Variants in HNMT observed in about 807,000 individuals in gnomAD.
HNMT encodes the protein histamine N-methyltransferase.
HNMT carries 30 observed loss-of-function variants against 32.1 expected under a neutral mutation model. The observed-to-expected ratio is 0.93, with a 90% CI of 0.70 to 1.27. HNMT has a LOEUF of 1.27. HNMT is among the 50% of genes most tolerant of loss of function. HNMT has a pLI of 0.00. For missense variants in HNMT, 327 were observed against 346.0 expected (o/e 0.95, Z 0.43); for synonymous variants, 125 against 119.0 (o/e 1.05, Z -0.33).
chr2:137,970,827 G>A (rs534912101), intron 2 of HNMT, among the ~76,000 whole-genome samples: 2 of 151,192 alleles, frequency 1.3e-5, no homozygotes, highest in African/African-American at 4.9e-5. Context: ...GGCTGAGGCA[G>A]GAGAATGGCG....
At chr2:137,971,734 C>G (rs568362639) in intron 2 of HNMT, among the ~76,000 whole-genome samples, 4 of 152,088 alleles carry the variant, frequency 2.6e-5, no homozygotes, top group Non-Finnish European at 1.5e-5. Flanking sequence ...GAAGGCTATT[C>G]CCTTCTGCAA....
At position 137,979,364 on chromosome 2, in the gene HNMT, G is replaced by A. The variant is rs560964423; in HGVS notation, c.190+9147G>A. On this transcript the variant is annotated intron_variant, in intron 2 of 5. Coordinates refer to ENST00000280097, the MANE Select transcript of HNMT (RefSeq NM_006895.3). The stretch of plus-strand genomic sequence containing the variant: ...CGGCTCACTGCAAGCTCCGCCTCCC[G>A]GGTTCACGCCATTCTCCTGCCTCAG... 3.3e-3 allele frequency among the ~76,000 whole-genome samples: 494 copies of A among 151,184 alleles called. 1 individual carries two copies. The highest frequency in any genetic ancestry group is 8.6e-3 in the East Asian group (44 of 5,116).
In HNMT at chr2:137,964,745, T is replaced by C. The variant is rs554677097; in HGVS notation, c.137+117T>C. ...CACAGGGATAAGGGCGAATTACTGA[T>C]AGCAGCTCCCCGTCGTCCCCTCCTC... On this transcript the variant is annotated intron_variant, in intron 1 of 5. Transcript: ENST00000280097. 30 of 976,300 alleles carry C rather than the reference T, an allele frequency of 3.1e-5. No individual in the cohort carries two copies. In the East Asian group the frequency reaches 7.3e-4, roughly 24 times the overall value. 60.5% of individuals were successfully genotyped at this position (976,300 alleles called of 1,614,324 possible).
At chr2:137,976,965 G>A (rs1680306134) in intron 2 of HNMT, among the ~76,000 whole-genome samples, 1 of 152,126 alleles carries the variant, frequency 6.6e-6, no homozygotes, top group Admixed American at 6.5e-5. Flanking sequence ...AAACAAGATT[G>A]TTTTGGCTAA....
In HNMT at chr2:138,002,046, C is replaced by T; in HGVS notation, c.299-18C>T. ...GCAATTAAAATTGATGGTGTGTCAC[C>T]TCTTCTCTGTATTTTAGAGCTTGTA... On this transcript the variant is annotated intron_variant, in intron 3 of 5. Coordinates refer to ENST00000280097, the MANE Select transcript of HNMT (RefSeq NM_006895.3). 10 of 1,509,852 alleles carry T rather than the reference C, an allele frequency of 6.6e-6. No individual in the cohort carries two copies. The highest frequency in any genetic ancestry group is 2.8e-5 in the South Asian group (2 of 70,450). The allele number at this position is 1,509,852 out of a possible 1,614,324, so 93.5% of individuals were successfully genotyped here.
chr2:138,000,346 A>G (rs1344968596), intron 2 of HNMT, among the ~76,000 whole-genome samples: 1 of 151,946 alleles, frequency 6.6e-6, no homozygotes, highest in Non-Finnish European at 1.5e-5. Context: ...CCTTGATTCA[A>G]CTGAGCCAGG....
At chr2:138,013,676 T>C (rs1681577685) in intron 5 of HNMT, 99 bp from the exon 6 acceptor site, 3 of 823,254 alleles carry the variant, frequency 3.6e-6, no homozygotes, top group Non-Finnish European at 5.7e-6. Flanking sequence ...AAGGACAAGA[T>C]TATTATTTTG....
At chr2:138,003,034 T>TGA (rs1179795726) in intron 4 of HNMT, among the ~76,000 whole-genome samples, 1 of 131,786 alleles carries the variant, frequency 7.6e-6, no homozygotes, top group African/African-American at 2.9e-5. Flanking sequence ...AATTGAACAA[T>TGA]GAGAACACAT....
At chr2:137,973,251 A>G (rs947424901) in intron 2 of HNMT, among the ~76,000 whole-genome samples, 33 of 152,226 alleles carry the variant, frequency 2.2e-4, no homozygotes, top group African/African-American at 7.7e-4. Flanking sequence ...GGGAAAGGAC[A>G]CTCTACTTCA....
intron 2 of HNMT, among the ~76,000 whole-genome samples, chr2:137,990,282 T>C (rs1680779519): frequency 6.6e-6 from 1 of 152,202 alleles, no homozygotes; most frequent in African/African-American, 2.4e-5. Context: ...GGTCCTTGTC[T>C]AGATTCATTT....
chr2:137,980,317 G>T (rs566901803), intron 2 of HNMT, among the ~76,000 whole-genome samples: 1 of 152,152 alleles, frequency 6.6e-6, no homozygotes, highest in Non-Finnish European at 1.5e-5. Context: ...GATTACAGGC[G>T]TGAGCCACCA....
intron 1 of HNMT, chr2:137,966,961 G>C: frequency 1.5e-6 from 1 of 671,000 alleles, no homozygotes; most frequent in Non-Finnish European, 2.7e-6. Context: ...AAGAGTGAAC[G>C]AGAGGTAAAC....
rs1404892581 is a variant in HNMT at position 137,970,201 on chromosome 2, C to T, written c.174C>T (p.Ser58=). ...GDTKSEIKIL[S]IGGGAGEIDL... ...CAAAATCAGAAATTAAGATTCTAAG[C>T]ATAGGCGGAGGTGCAGGTATGAGTA... is the stretch of plus-strand genomic sequence containing the variant. Residue 58 remains serine (S), a synonymous_variant, in exon 2 of 6, where the codon AGC becomes AGT. Transcript: ENST00000280097. 9 of 1,574,606 alleles carry T rather than the reference C, an allele frequency of 5.7e-6. No homozygotes were observed. The highest frequency in any genetic ancestry group is 7.8e-6 in the Non-Finnish European group (9 of 1,150,416).
At chr2:137,966,998 T>A in intron 1 of HNMT, 1 of 742,346 alleles carries the variant, frequency 1.3e-6, no homozygotes, top group Non-Finnish European at 2.5e-6. Context: ...TGTTTAAAAA[T>A]CCCTTGGTTC....
chr2:137,964,616 G>A lies in HNMT; in HGVS notation c.125G>A (p.Gly42Asp), dbSNP rs943981752. 20 of 1,613,664 alleles carry A rather than the reference G, an allele frequency of 1.2e-5. No homozygotes were observed. The highest frequency in any genetic ancestry group is 1.0e-4 in the Admixed American group (6 of 59,986). Reference protein sequence around the residue: ...MQEFMDKKLPGIIGRIGDTKS... With the variant: ...MQEFMDKKLPDIIGRIGDTKS... ...GAATTCATGGACAAGAAGCTGCCAG[G>A]CATAATAGGAAGGTAACAAAAGGGA... The change falls in exon 1 of 6, where the codon GGC becomes GAC. Residue 42 changes from glycine (G) to aspartate (D), a missense_variant. By Grantham distance (94) the Gly-to-Asp change is moderately conservative. Coordinates refer to ENST00000280097, the MANE Select transcript of HNMT (RefSeq NM_006895.3).
At chr2:138,009,356 A>G (rs994880571) in intron 5 of HNMT, among the ~76,000 whole-genome samples, 9 of 152,064 alleles carry the variant, frequency 5.9e-5, no homozygotes, top group African/African-American at 1.9e-4. Context: ...TTAGAGAGCT[A>G]AAAGCAGAAC....
intron 1 of HNMT, among the ~76,000 whole-genome samples, chr2:137,965,268 A>T (rs981418806): frequency 3.9e-5 from 6 of 152,030 alleles, no homozygotes; most frequent in African/African-American, 1.2e-4. Flanking sequence ...TAATGTGTTC[A>T]ATTTGTGCCA....
At chr2:137,967,223 C>A in intron 1 of HNMT, 1 of 691,928 alleles carries the variant, frequency 1.4e-6, no homozygotes, top group African/African-American at 1.8e-5. Context: ...CCAGCCTGGG[C>A]AACATAGCAA....
chr2:137,964,564 C>T lies in HNMT; in HGVS notation c.73C>T (p.His25Tyr). The T allele has an allele frequency of 6.2e-7, 1 of 1,613,666 alleles. No homozygotes were observed. Among genetic ancestry groups the T allele is most frequent in the Non-Finnish European group, 8.5e-7 (1 of 1,179,670 alleles). The change falls in exon 1 of 6, where the codon CAT (histidine) becomes TAT (tyrosine). Residue 25 changes from histidine to tyrosine, a missense_variant. Physicochemically the swap from His to Tyr is moderately conservative, Grantham distance 83. Transcript: ENST00000280097. ...TGAATCTTTCCGGAGGTTTCTCAAC[C>T]ATTCCACGGAACACCAGTGCATGCA... ...YVESFRRFLN[H>Y]STEHQCMQEF...
Sources: allele counts gnomAD v4.1 joint callset (sites outside exome capture counted in the v4.1 genomes callset), GRCh38; gene constraint gnomAD v4.1.1; transcripts MANE v1.5; gene names NCBI Gene and HGNC (gene_info 2026-07-23, HGNC 2026-07-21).